The following CUX1 variants were observed in gnomAD, a reference collection of about 807,000 sequenced individuals.
CUX1 encodes the protein protein CASP.
CUX1 carries 31 observed loss-of-function variants against 158.8 expected under a neutral mutation model. The ratio of observed to expected loss-of-function variants is 0.20; its 90% confidence interval spans 0.15 to 0.26. CUX1 has a LOEUF of 0.26. Among genes scored for constraint, CUX1 ranks in the 10% least tolerant of loss-of-function variants. The pLI is 1.00. For missense variants in CUX1, 1,589 were observed against 2,014.6 expected (o/e 0.79, Z 4.04); for synonymous variants, 879 against 862.1 (o/e 1.02, Z -0.34).
chr7:102,274,577 C>T (rs1791467798), intron 16 of CUX1, among the ~76,000 whole-genome samples: 1 of 152,212 alleles, frequency 6.6e-6, no homozygotes, highest in Non-Finnish European at 1.5e-5. Context: ...GATGGTGCCA[C>T]TGCACTCCAG....
At chr7:102,212,429 A>C (rs1796636165) in intron 20 of CUX1, among the ~76,000 whole-genome samples, 1 of 152,164 alleles carries the variant, frequency 6.6e-6, no homozygotes, top group African/African-American at 2.4e-5. Context: ...TCGGCCCCCC[A>C]AAGTCTCTGT....
chr7:101,905,940 A>C (rs938982874), intron 1 of CUX1, among the ~76,000 whole-genome samples: 2 of 150,616 alleles, frequency 1.3e-5, no homozygotes, highest in Non-Finnish European at 2.9e-5. Context: ...CTCCCACCTC[A>C]GCCTCCCAAA....
At chr7:102,043,760 T>C (rs917642153) in intron 3 of CUX1, among the ~76,000 whole-genome samples, 2 of 152,148 alleles carry the variant, frequency 1.3e-5, no homozygotes, top group Non-Finnish European at 2.9e-5. Flanking sequence ...GTATTAATTT[T>C]GGGGGGAACC....
chr7:101,958,940 G>T (rs187069037), intron 2 of CUX1, among the ~76,000 whole-genome samples: 1 of 131,626 alleles, frequency 7.6e-6, no homozygotes, highest in Non-Finnish European at 1.5e-5. Flanking sequence ...CTGCAGCCTC[G>T]ACCTCCCTGG....
chr7:102,040,609 C>T (rs1821952251), intron 3 of CUX1, among the ~76,000 whole-genome samples: 1 of 152,228 alleles, frequency 6.6e-6, no homozygotes, highest in Non-Finnish European at 1.5e-5. Context: ...GGGTGAACTA[C>T]AGCAGTCTAT....
At chr7:101,933,966 C>A (rs960299643) in intron 2 of CUX1, among the ~76,000 whole-genome samples, 2 of 152,152 alleles carry the variant, frequency 1.3e-5, no homozygotes, top group Non-Finnish European at 2.9e-5. Flanking sequence ...GCCGGAAAGA[C>A]CATGTATGGC....
chr7:102,180,404 A>G (rs961042965), intron 11 of CUX1, among the ~76,000 whole-genome samples: 8 of 150,352 alleles, frequency 5.3e-5, no homozygotes, highest in African/African-American at 1.7e-4. Context: ...GCAACCTCGA[A>G]GTCTCGGGCT....
At chr7:102,027,388 G>A (rs1376748851) in intron 2 of CUX1, among the ~76,000 whole-genome samples, 1 of 151,978 alleles carries the variant, frequency 6.6e-6, no homozygotes, top group Non-Finnish European at 1.5e-5. Context: ...AAAAGAAGAG[G>A]CAGCTAAAAT....
Position 102,255,733 on chromosome 7 carries a change from G to A in CUX1, c.*6691G>A. 6 of 985,408 alleles carry A rather than the reference G, an allele frequency of 6.1e-6. No homozygotes were observed. The South Asian group carries it at 2.8e-4, about 46-fold the overall frequency. The allele number at this position is 985,408 out of a possible 1,614,324, so 61.0% of individuals were successfully genotyped here. A position where few individuals can be genotyped will look rare whatever the true frequency, so the allele number is the denominator to read the frequency against. On this transcript the variant is annotated 3_prime_UTR_variant, in exon 24 of 24. Transcript: ENST00000292535. ...TACGGAAGCATTGGGACTTCTGCTG[G>A]TGAAACAAGAGACCATTCAGCAAGA...
intron 2 of CUX1, among the ~76,000 whole-genome samples, chr7:102,008,904 T>A (rs547556688): frequency 6.6e-6 from 1 of 152,294 alleles, no homozygotes; most frequent in East Asian, 1.9e-4. Flanking sequence ...ATCAGAGGCC[T>A]CTCAGGTTCT....
rs1554519237 is a variant in CUX1, at chr7:102,200,125, A to G, written c.2015A>G (p.Lys672Arg). The part of the protein sequence containing the change: ...ASETGSDEAI[K>R]SILEQAKREL... ...GAGACTGGCTCTGATGAAGCCATCA[A>G]GTCCATCCTAGAGCAAGCCAAGAGG... Residue 672 changes from lysine to arginine, a missense_variant, in exon 17 of 24, where the codon AAG becomes AGG. By Grantham distance (26) the Lys-to-Arg change is conservative (BLOSUM62 2). Coordinates refer to ENST00000292535, the MANE Select transcript of CUX1 (RefSeq NM_181552.4). 1.2e-6 allele frequency: 2 copies of G among 1,613,738 alleles called. No individual in the cohort carries two copies. The highest frequency in any genetic ancestry group is 2.2e-5 in the East Asian group (1 of 44,848).
intron 22 of CUX1, among the ~76,000 whole-genome samples, chr7:102,235,093 C>T (rs1799409286): frequency 6.6e-6 from 1 of 152,224 alleles, no homozygotes; most frequent in South Asian, 2.1e-4. Context: ...AGAGGAATAA[C>T]CCCACGTGCA....
At chr7:101,845,956 C>T (rs917050345) in intron 1 of CUX1, among the ~76,000 whole-genome samples, 2 of 151,552 alleles carry the variant, frequency 1.3e-5, no homozygotes, top group Admixed American at 1.3e-4. Flanking sequence ...TTCAGTGAGC[C>T]GAGATTGCAC....
At chr7:102,102,627 C>G (rs1365670177) in intron 5 of CUX1, among the ~76,000 whole-genome samples, 1 of 152,142 alleles carries the variant, frequency 6.6e-6, no homozygotes, top group Non-Finnish European at 1.5e-5. Flanking sequence ...CTGGGCTTCC[C>G]CCAGCTCTGC....
chr7:102,021,335 GTCT>G (rs1411831528), intron 2 of CUX1, among the ~76,000 whole-genome samples: 1 of 152,022 alleles, frequency 6.6e-6, no homozygotes, highest in Non-Finnish European at 1.5e-5. Context: ...TGGAGACAGG[GTCT>G]TGCTCTGTCA....
chr7:102,158,203 A>G (rs1186290093), intron 8 of CUX1, among the ~76,000 whole-genome samples: 4 of 151,954 alleles, frequency 2.6e-5, no homozygotes, highest in African/African-American at 9.7e-5. Context: ...ATTCCCTCCC[A>G]CAAAGAGAAT....
chr7:102,214,510 G>GA (rs1258372238), intron 20 of CUX1, among the ~76,000 whole-genome samples: 2 of 152,264 alleles, frequency 1.3e-5, no homozygotes, highest in Admixed American at 6.5e-5. Flanking sequence ...TTGGCTGTTG[G>GA]AAAATGTGTA....
At position 102,252,679 on chromosome 7, in the gene CUX1, C is replaced by T; in HGVS notation, c.*3637C>T. 5.1e-6 allele frequency: 5 copies of T among 985,436 alleles called. No homozygotes were observed. Among genetic ancestry groups the T allele is most frequent in the Non-Finnish European group, 6.0e-6 (5 of 829,958 alleles). The allele number at this position is 985,436 out of a possible 1,614,324, so 61.0% of individuals were successfully genotyped here. On this transcript the variant is annotated 3_prime_UTR_variant, in exon 24 of 24. Transcript: ENST00000292535. ...GAGATGGCAGGTGTGTGAGTTCTGT[C>T]CTAGACCTGTGCCCAACTCACTTCC...
chr7:102,251,306 C>A lies in CUX1; in HGVS notation c.*2264C>A. On this transcript the variant is annotated 3_prime_UTR_variant, in exon 24 of 24. Transcript: ENST00000292535. ...GCTCTGGCTGTTCCACCTCCGTGTG[C>A]TTGTTAATTAACTTGTAGGACTTTG... 1.0e-6 allele frequency: 1 copy of A among 985,210 alleles called. No homozygotes were observed. Among genetic ancestry groups the A allele is most frequent in the Non-Finnish European group, 1.2e-6 (1 of 829,890 alleles). The allele number at this position is 985,210 out of a possible 1,614,324, so 61.0% of individuals were successfully genotyped here.
Sources: gnomAD v4.1 joint callset for allele counts (sites outside exome capture counted in the v4.1 genomes callset) on GRCh38, gnomAD v4.1.1 for gene constraint, MANE v1.5 for transcripts, NCBI Gene and HGNC (gene_info 2026-07-23, HGNC 2026-07-21) for gene names.